Variants in CYRIB observed in about 807,000 individuals in gnomAD.
CYRIB encodes CYFIP related Rac1 interactor B.
Under a neutral mutation model 44.2 loss-of-function variants are expected in CYRIB, and 8 were observed. That is an observed-to-expected ratio of 0.18 (90% confidence interval 0.11 to 0.33). The LOEUF (loss-of-function observed/expected upper bound fraction) is 0.33, where lower values mean the gene tolerates loss of function less well. CYRIB is among the 10% of genes least tolerant of loss of function. The pLI, the probability that CYRIB is intolerant of heterozygous loss-of-function variation, is 1.00. For missense variants in CYRIB, 185 were observed against 382.8 expected, an observed-to-expected ratio of 0.48 and a Z score of 4.31; for synonymous variants, 131 against 127.2, an observed-to-expected ratio of 1.03 and a Z score of -0.20.
intron 2 of CYRIB, among the ~76,000 whole-genome samples, chr8:129,957,414 G>C (rs1040525703): frequency 6.6e-6 from 1 of 152,200 alleles, no homozygotes; most frequent in East Asian, 1.9e-4. Flanking sequence ...TAGAAATTTG[G>C]ATAGTTAAAT....
chr8:129,849,317 C>T (rs1445642879), exon 10 of CYRIB: 3 of 1,613,526 alleles, frequency 1.9e-6, no homozygotes, highest in Non-Finnish European at 2.5e-6. Flanking sequence ...CCCACCATTA[C>T]CCTCAAGCAG....
rs147777649 is a variant in CYRIB, at chr8:129,920,713, G to A, written c.-49-17363C>T. ...TAACATCCTGGATGTTTTACCTTCT[G>A]CTACCCTACTCATTCACTAATTTAA... On this transcript the variant is annotated intron_variant, in intron 1 of 11. Coordinates refer to ENST00000519824, the Ensembl canonical transcript of CYRIB. Among the ~76,000 whole-genome samples the A allele has an allele frequency of 2.6e-5, 4 of 152,150 alleles. No individual in the cohort carries two copies. In the East Asian group the frequency reaches 5.8e-4, roughly 22 times the overall value.
intron 1 of CYRIB, among the ~76,000 whole-genome samples, chr8:129,998,048 G>A (rs2096818866): frequency 1.3e-5 from 2 of 151,052 alleles, no homozygotes; most frequent in African/African-American, 4.9e-5. Flanking sequence ...CTGAACTCGG[G>A]AGGCAGAGGT....
chr8:129,941,491 C>T (rs969567316), upstream of CYRIB, among the ~76,000 whole-genome samples: 2 of 152,018 alleles, frequency 1.3e-5, no homozygotes, highest in African/African-American at 4.8e-5. Flanking sequence ...CCAGGCTGCT[C>T]CCGAACTCCT....
Position 129,991,965 on chromosome 8 carries a change from A to AG in CYRIB, c.-295-20971_-295-20970insC, listed in dbSNP as rs1297913073. 3.0e-5 allele frequency among the ~76,000 whole-genome samples: 4 copies of AG among 133,770 alleles called. 1 individual carries two copies. Among genetic ancestry groups the AG allele is most frequent in the East Asian group, 2.2e-4 (1 of 4,648 alleles). 87.8% of individuals were successfully genotyped at this position (133,770 alleles called of 152,430 possible). On this transcript the variant is annotated intron_variant, in intron 1 of 14. Transcript: ENST00000401979. Reference sequence around the variant, plus strand: ...TCGCAAAAAAAAAAAAAAAAAAAAAAAAAAAAACAATAGGAAGCTATTAAG... The same window carrying AG: ...TCGCAAAAAAAAAAAAAAAAAAAAAAGAAAAAAACAATAGGAAGCTATTAAG...
chr8:129,986,416 C>A (rs1328854467), intron 1 of CYRIB, among the ~76,000 whole-genome samples: 1 of 152,192 alleles, frequency 6.6e-6, no homozygotes, highest in Non-Finnish European at 1.5e-5. Flanking sequence ...ATTTGTCCCC[C>A]TCAAAATTCA....
chr8:129,850,761 A>G, intron 9 of CYRIB, 74 bp downstream of exon 11: 1 of 1,014,502 alleles, frequency 9.9e-7, no homozygotes, highest in South Asian at 1.3e-5. Context: ...TAACATGTTC[A>G]TATATGAACA....
chr8:129,893,644 C>A (rs570107739), intron 2 of CYRIB, among the ~76,000 whole-genome samples: 1 of 152,130 alleles, frequency 6.6e-6, no homozygotes, highest in Non-Finnish European at 1.5e-5. Context: ...GACCTCCCAA[C>A]CTCTTTCAAT....
At chr8:129,954,486 G>T in intron 2 of CYRIB, among the ~76,000 whole-genome samples, 1 of 151,672 alleles carries the variant, frequency 6.6e-6, no homozygotes, top group Non-Finnish European at 1.5e-5. Flanking sequence ...GTCTCCCAAA[G>T]TGCTGGGATT....
chr8:129,876,755 CAT>C (rs1455955780), intron 3 of CYRIB, among the ~76,000 whole-genome samples: 3 of 152,062 alleles, frequency 2.0e-5, no homozygotes, highest in African/African-American at 7.2e-5. Flanking sequence ...ACTGCAGAGA[CAT>C]ATTGGGTCAC....
chr8:129,873,353 T>C (rs752816333), intron 3 of CYRIB, among the ~76,000 whole-genome samples: 2 of 152,028 alleles, frequency 1.3e-5, no homozygotes, highest in Non-Finnish European at 2.9e-5. Context: ...CAAGCTTTGC[T>C]ATTTAGCAGT....
At chr8:129,940,673 A>T (rs1250758037), upstream of CYRIB, among the ~76,000 whole-genome samples, 1 of 151,822 alleles carries the variant, frequency 6.6e-6, no homozygotes, top group Non-Finnish European at 1.5e-5. Flanking sequence ...ATAAAGCTGA[A>T]TTTTTTTTTA....
intron 2 of CYRIB, chr8:129,880,340 A>G: frequency 2.1e-6 from 2 of 962,666 alleles, no homozygotes; most frequent in Non-Finnish European, 2.5e-6. Flanking sequence ...CACCTTTACC[A>G]TTATGCACCA....
At chr8:129,866,452 A>T (rs1226391991) in intron 4 of CYRIB, among the ~76,000 whole-genome samples, 1 of 152,124 alleles carries the variant, frequency 6.6e-6, no homozygotes, top group Non-Finnish European at 1.5e-5. Context: ...GAATATTCAT[A>T]GAAAGTTCAC....
intron 2 of CYRIB, among the ~76,000 whole-genome samples, chr8:129,952,054 A>AT (rs57278636): frequency 2.0e-5 from 3 of 151,752 alleles, no homozygotes; most frequent in South Asian, 2.1e-4. Context: ...GTTTTTGTTT[A>AT]TTTTTTTTGA....
At chr8:129,869,056 TA>T (rs35946610) in intron 4 of CYRIB, among the ~76,000 whole-genome samples, 57,817 of 118,844 alleles carry the variant, frequency 0.49, 13,141 homozygotes, top group Admixed American at 0.57. Flanking sequence ...GTTCTATATT[TA>T]AAAAAAAAAA....
At chr8:129,983,957 G>C (rs1473250724) in intron 1 of CYRIB, among the ~76,000 whole-genome samples, 1 of 152,232 alleles carries the variant, frequency 6.6e-6, no homozygotes, top group East Asian at 1.9e-4. Flanking sequence ...GCCAGCCTCT[G>C]ATTGGAATCA....
intron 1 of CYRIB, among the ~76,000 whole-genome samples, chr8:129,987,861 C>A (rs1216189649): frequency 1.3e-5 from 2 of 152,142 alleles, no homozygotes; most frequent in African/African-American, 4.8e-5. Context: ...CGTGAGCCAT[C>A]GCGCCCGGCC....
intron 2 of CYRIB, among the ~76,000 whole-genome samples, chr8:129,945,006 G>A (rs1266013188): frequency 1.3e-5 from 2 of 152,094 alleles, no homozygotes; most frequent in Non-Finnish European, 2.9e-5. Context: ...GACTCATTTG[G>A]CTTTGGGTAT....
Sources: gnomAD v4.1 joint callset for allele counts (sites outside exome capture counted in the v4.1 genomes callset) on GRCh38, gnomAD v4.1.1 for gene constraint, MANE v1.5 for transcripts, NCBI Gene and HGNC (gene_info 2026-07-23, HGNC 2026-07-21) for gene names.